Variants in SOX6 observed in about 807,000 individuals in gnomAD.
SOX6 encodes the protein transcription factor SOX-6.
In SOX6, 11 loss-of-function variants were observed where a neutral mutation model predicts 97.8. The observed-to-expected ratio is 0.11, with a 90% CI of 0.07 to 0.19. The LOEUF (loss-of-function observed/expected upper bound fraction) is 0.19. SOX6 is among the 10% of genes least tolerant of loss of function. SOX6 has a pLI of 1.00. For synonymous variants in SOX6, 360 were observed against 371.4 expected, an observed-to-expected ratio of 0.97 and a Z score of 0.35; for missense variants, 810 against 1,039.5, an observed-to-expected ratio of 0.78 and a Z score of 3.04.
chr11:16,044,882 G>C (rs1469379805), intron 12 of SOX6, among the ~76,000 whole-genome samples: 2 of 152,012 alleles, frequency 1.3e-5, no homozygotes, highest in Non-Finnish European at 2.9e-5. Context: ...CAATTTTGCA[G>C]CTTACCTTCT....
chr11:16,229,862 A>G (rs1038434037), intron 4 of SOX6, among the ~76,000 whole-genome samples: 2 of 152,008 alleles, frequency 1.3e-5, no homozygotes, highest in Middle Eastern at 3.8e-3. Context: ...AACATTTTAC[A>G]TAACCAAGAA....
intron 12 of SOX6, among the ~76,000 whole-genome samples, chr11:16,043,627 TAGTA>T (rs1233716052): frequency 1.2e-4 from 18 of 152,198 alleles, no homozygotes; most frequent in Admixed American, 4.6e-4. Flanking sequence ...CTATGCCTGT[TAGTA>T]AGTGTTGGCC....
chr11:16,374,356 T>C (rs891927927), intron 1 of SOX6, among the ~76,000 whole-genome samples: 16 of 152,228 alleles, frequency 1.1e-4, no homozygotes, highest in Admixed American at 7.9e-4. Flanking sequence ...CTTTTAGTTA[T>C]ATTATCACTA....
At chr11:15,999,603 T>G (rs962280085) in intron 13 of SOX6, among the ~76,000 whole-genome samples, 1 of 152,146 alleles carries the variant, frequency 6.6e-6, no homozygotes, top group Admixed American at 6.5e-5. Flanking sequence ...ATGCTCTTTT[T>G]TTTGAAAGGT....
At position 16,428,039 on chromosome 11, in the gene SOX6, G is replaced by A. The variant is rs181885935; in HGVS notation, c.-5+48276C>T. Among the ~76,000 whole-genome samples, 421 of 152,298 alleles carry A rather than the reference G, an allele frequency of 2.8e-3. 5 individuals carry two copies. The highest frequency in any genetic ancestry group is 9.5e-3 in the African/African-American group (395 of 41,564). ...TCACCATTCTAACTGGTGTGAGATG[G>A]TATCTCATTGTGGTTTTGATATGCA... On this transcript the variant is annotated intron_variant, in intron 1 of 15. Transcript: ENST00000396356.
chr11:15,979,850 C>T (rs1193292658), intron 15 of SOX6, among the ~76,000 whole-genome samples: 2 of 151,992 alleles, frequency 1.3e-5, no homozygotes, highest in Non-Finnish European at 2.9e-5. Flanking sequence ...AACTTCCTAT[C>T]CCTTTCCCTA....
At chr11:16,447,443 T>TCTC (rs1859633497) in intron 1 of SOX6, among the ~76,000 whole-genome samples, 1 of 150,116 alleles carries the variant, frequency 6.7e-6, no homozygotes, top group African/African-American at 2.4e-5. Context: ...CTCCTTCGAT[T>TCTC]TCTCTCTCTC....
intron 7 of SOX6, among the ~76,000 whole-genome samples, chr11:16,103,859 T>G (rs1326927066): frequency 1.3e-5 from 2 of 150,042 alleles, no homozygotes; most frequent in African/African-American, 4.9e-5. Flanking sequence ...ACATTGAACT[T>G]TGGGGATTGG....
chr11:16,283,089 GTATATATATATATA>G (rs10581083), intron 3 of SOX6, among the ~76,000 whole-genome samples: 2 of 113,710 alleles, frequency 1.8e-5, no homozygotes, highest in South Asian at 5.5e-4. Context: ...TATATAATTT[GTATATATATATATA>G]TATATATATA....
At chr11:16,697,263 T>A (rs1037549361) in intron 3 of SOX6, among the ~76,000 whole-genome samples, 27 of 152,302 alleles carry the variant, frequency 1.8e-4, no homozygotes, top group African/African-American at 6.0e-4. Flanking sequence ...AAACTCCTAT[T>A]AATGTTGATA....
chr11:16,728,091 G>C (rs1848320919), intron 2 of SOX6, among the ~76,000 whole-genome samples: 1 of 152,154 alleles, frequency 6.6e-6, no homozygotes, highest in Non-Finnish European at 1.5e-5. Flanking sequence ...GCCCCAGTGA[G>C]GGGCTTATAG....
chr11:16,484,467 T>C, intron 4 of SOX6: 1 of 807,464 alleles, frequency 1.2e-6, no homozygotes, highest in Non-Finnish European at 2.2e-6. Context: ...TCCTCGCACT[T>C]CACCACCTGC....
chr11:16,487,629 T>C (rs1036641169), intron 4 of SOX6, among the ~76,000 whole-genome samples: 3 of 152,186 alleles, frequency 2.0e-5, no homozygotes, highest in Admixed American at 2.0e-4. Flanking sequence ...AATTTTTAAG[T>C]CCATACCTCT....
chr11:16,654,565 T>C (rs1298506738), intron 3 of SOX6, among the ~76,000 whole-genome samples: 1 of 152,174 alleles, frequency 6.6e-6, no homozygotes, highest in Non-Finnish European at 1.5e-5. Flanking sequence ...ACTGGGATTA[T>C]AGACATGAGC....
intron 2 of SOX6, among the ~76,000 whole-genome samples, chr11:16,715,427 C>T (rs1183498583): frequency 6.6e-6 from 1 of 152,026 alleles, no homozygotes; most frequent in African/African-American, 2.4e-5. Context: ...TGTAGAATAG[C>T]ATTGTCTTGC....
At chr11:15,995,854 CAG>C (rs1590116879) in intron 13 of SOX6, among the ~76,000 whole-genome samples, 3 of 152,202 alleles carry the variant, frequency 2.0e-5, no homozygotes, top group Admixed American at 6.5e-5. Flanking sequence ...GAAATAAATT[CAG>C]AGTTTTATCC....
At chr11:16,022,331 T>TTCTTTCC (rs1855085967) in intron 12 of SOX6, among the ~76,000 whole-genome samples, 3 of 113,842 alleles carry the variant, frequency 2.6e-5, no homozygotes, top group Admixed American at 9.0e-5. Flanking sequence ...TCCTTCCTTC[T>TTCTTTCC]TTCCTTCCTT....
chr11:16,322,036 C>A (rs1034524141), intron 2 of SOX6, among the ~76,000 whole-genome samples: 1 of 151,912 alleles, frequency 6.6e-6, no homozygotes, highest in Non-Finnish European at 1.5e-5. Context: ...GACAAAGAAT[C>A]TCTGGTTTTT....
intron 3 of SOX6, among the ~76,000 whole-genome samples, chr11:16,265,188 G>A (rs775812258): frequency 2.6e-5 from 4 of 151,832 alleles, no homozygotes; most frequent in East Asian, 1.9e-4. Context: ...TGAGTACGAC[G>A]GCCAGATGCA....
Sources: allele counts gnomAD v4.1 joint callset (sites outside exome capture counted in the v4.1 genomes callset), GRCh38; gene constraint gnomAD v4.1.1; transcripts MANE v1.5; gene names NCBI Gene and HGNC (gene_info 2026-07-23, HGNC 2026-07-21).